Variants in FAH observed in about 807,000 individuals in gnomAD.
FAH encodes the protein fumarylacetoacetase.
A neutral mutation model predicts 55.8 loss-of-function variants in FAH; 47 were observed. The ratio of observed to expected loss-of-function variants is 0.84; its 90% CI spans 0.67 to 1.07. The LOEUF (loss-of-function observed/expected upper bound fraction) is 1.07. Among genes scored for constraint, FAH ranks in the 50% least tolerant of loss-of-function variants. FAH has a pLI of 0.00. For synonymous variants in FAH, 199 were observed against 207.7 expected (o/e 0.96, Z 0.36); for missense variants, 495 against 545.9 (o/e 0.91, Z 0.93).
rs900414880 is a variant in FAH at position 80,173,410 on chromosome 15, C to T, written c.837+266C>T. 2.1e-4 allele frequency: 119 copies of T among 557,256 alleles called. 1 individual carries two copies. Among genetic ancestry groups the T allele is most frequent in the Middle Eastern group, 9.7e-4 (2 of 2,070 alleles). The allele number at this position is 557,256 out of a possible 1,614,324, so 34.5% of individuals were successfully genotyped here. A position where few individuals can be genotyped will look rare whatever the true frequency, so the allele number is the denominator to read the frequency against. On this transcript the variant is annotated intron_variant, in intron 9 of 13. Transcript: ENST00000561421. ...GTAACCTTAAGAATCTTGCAAGACC[C>T]GGGGGATCTGGCCAGTTGGCAGGAG... is the stretch of plus-strand genomic sequence containing the variant.
At position 80,186,272 on chromosome 15, in the gene FAH, T is replaced by C; in HGVS notation, c.*63T>C. 2 of 1,377,200 alleles carry C rather than the reference T, an allele frequency of 1.5e-6. No individual in the cohort carries two copies. Among genetic ancestry groups the C allele is most frequent in the Non-Finnish European group, 2.1e-6 (2 of 964,106 alleles). The allele number at this position is 1,377,200 out of a possible 1,614,324, so 85.3% of individuals were successfully genotyped here. On this transcript the variant is annotated 3_prime_UTR_variant, in exon 14 of 14. Coordinates refer to ENST00000561421, the MANE Select transcript of FAH (RefSeq NM_000137.4). Reference sequence around the variant, plus strand: ...ACCCCTTTCAACCCTGTGACTGGGGTCCTCCCTCGGGCTGTAGGCCTGGTC... The same window carrying C: ...ACCCCTTTCAACCCTGTGACTGGGGCCCTCCCTCGGGCTGTAGGCCTGGTC...
At chr15:80,166,942 T>C (rs1487111964) in intron 5 of FAH, 3 of 152,196 alleles carry the variant, frequency 2.0e-5, no homozygotes, top group African/African-American at 7.2e-5. Context: ...GCCTAGAGTT[T>C]TGCATTTTCA....
At chr15:80,180,011 CG>C in intron 11 of FAH, 112 bp from the exon 12 acceptor site, 1 of 779,672 alleles carries the variant, frequency 1.3e-6, no homozygotes, top group Non-Finnish European at 2.2e-6. Context: ...AGCTGGGGAC[CG>C]GGGAAAGGCC....
At chr15:80,165,300 G>A (rs1186536323) in intron 5 of FAH, among the ~76,000 whole-genome samples, 5 of 152,092 alleles carry the variant, frequency 3.3e-5, no homozygotes, top group South Asian at 2.1e-4. Flanking sequence ...AGGCCGAGAC[G>A]GGCGGATCAC....
intron 2 of FAH, among the ~76,000 whole-genome samples, chr15:80,159,177 G>T (rs1386138724): frequency 1.3e-5 from 2 of 151,930 alleles, no homozygotes; most frequent in African/African-American, 2.4e-5. Flanking sequence ...AGCAGAGGTT[G>T]CAGTGAGCCG....
intron 13 of FAH, 92 bp downstream of exon 13, chr15:80,181,251 T>C: frequency 1.1e-6 from 1 of 874,304 alleles, no homozygotes; most frequent in Non-Finnish European, 1.9e-6. Context: ...CATGAAGCCA[T>C]CTGTTCTCAC....
At chr15:80,158,241 C>T (rs539313623) in intron 2 of FAH, 71 bp downstream of exon 2, 2 of 1,037,640 alleles carry the variant, frequency 1.9e-6, no homozygotes, top group South Asian at 2.5e-5. Flanking sequence ...AGAGAATGCT[C>T]CTTGCGTTCC....
At chr15:80,167,568 G>A (rs1443962335) in intron 5 of FAH, among the ~76,000 whole-genome samples, 1 of 131,032 alleles carries the variant, frequency 7.6e-6, no homozygotes, top group African/African-American at 2.9e-5. Context: ...GTCTTGCTCT[G>A]TTGCCTAGGC....
At chr15:80,160,955 G>T (rs768153285) in intron 4 of FAH, among the ~76,000 whole-genome samples, 1 of 152,218 alleles carries the variant, frequency 6.6e-6, no homozygotes, top group Non-Finnish European at 1.5e-5. Context: ...TCTTCCTTGT[G>T]CACAGGTCTC....
chr15:80,168,012 C>A, intron 5 of FAH, 40 bp from the exon 6 acceptor site: 1 of 1,509,794 alleles, frequency 6.6e-7, no homozygotes, highest in Non-Finnish European at 9.2e-7. Context: ...CAACATATAA[C>A]AGCTCTGATG....
chr15:80,160,314 T>G, intron 3 of FAH, 96 bp from the exon 4 acceptor site: 1 of 1,252,716 alleles, frequency 8.0e-7, no homozygotes, highest in Non-Finnish European at 1.2e-6. Context: ...CCACTGGAGA[T>G]TGTGGATAAT....
At position 80,168,121 on chromosome 15, in the gene FAH, G is replaced by T. The variant is rs770491858; in HGVS notation, c.525G>T (p.Arg175Ser). Residue 175 changes from arginine (R) to serine (S), a missense_variant, in exon 6 of 14, where the codon AGG (arginine) becomes AGT (serine). Coordinates refer to ENST00000561421, the MANE Select transcript of FAH (RefSeq NM_000137.4). ...TGGTGTCTGGCACCCCAATCCGAAG[G>T]CCCATGGGACAGATGAAACCTGATG... Reference protein sequence around the residue: ...SVVVSGTPIRRPMGQMKPDDS... With the variant: ...SVVVSGTPIRSPMGQMKPDDS... 1 of 1,614,140 alleles carries T rather than the reference G, an allele frequency of 6.2e-7. No homozygotes were observed. The highest frequency in any genetic ancestry group is 8.5e-7 in the Non-Finnish European group (1 of 1,180,038).
At chr15:80,185,057 A>G (rs533133225) in intron 13 of FAH, among the ~76,000 whole-genome samples, 86 of 152,310 alleles carry the variant, frequency 5.6e-4, no homozygotes, top group African/African-American at 1.9e-3. Flanking sequence ...ATGGAATTAA[A>G]TGAAGGAAAC....
At chr15:80,162,621 T>C in intron 5 of FAH, 3 of 485,102 alleles carry the variant, frequency 6.2e-6, no homozygotes, top group South Asian at 4.2e-5. Flanking sequence ...GTCTTTCATT[T>C]ATAAGCTGTG....
intron 1 of FAH, chr15:80,157,571 G>T: frequency 4.9e-6 from 1 of 202,302 alleles, no homozygotes; most frequent in Non-Finnish European, 1.0e-5. Flanking sequence ...TCCTCCATTT[G>T]AGCTACAACA....
chr15:80,159,534 A>C, intron 2 of FAH, among the ~76,000 whole-genome samples: 1 of 152,222 alleles, frequency 6.6e-6, no homozygotes, highest in East Asian at 1.9e-4. Flanking sequence ...GGCTTGGACA[A>C]TTGTGTGCAG....
At chr15:80,184,790 GTGTC>G (rs2041357086) in intron 13 of FAH, among the ~76,000 whole-genome samples, 1 of 152,134 alleles carries the variant, frequency 6.6e-6, no homozygotes. Context: ...TCGTGCCTGA[GTGTC>G]TGAGCCTTTG....
chr15:80,168,778 T>A lies in FAH; in HGVS notation c.606+462T>A, dbSNP rs140280555. Among the ~76,000 whole-genome samples, 207 of 152,332 alleles carry A rather than the reference T, an allele frequency of 1.4e-3. 1 individual carries two copies. Among genetic ancestry groups the A allele is most frequent in the African/African-American group, 4.7e-3 (197 of 41,570 alleles). On this transcript the variant is annotated intron_variant, in intron 7 of 13. Coordinates refer to ENST00000561421, the MANE Select transcript of FAH (RefSeq NM_000137.4). ...GTTTTTTTATAATGACCCCAAGTGC[T>A]GTGCTAAAGTGCCGTCTAGTGTCCC...
intron 10 of FAH, among the ~76,000 whole-genome samples, chr15:80,175,740 G>C (rs1017558334): frequency 3.3e-5 from 5 of 152,248 alleles, no homozygotes; most frequent in East Asian, 1.9e-4. Context: ...GTGGGACTTT[G>C]GGCAAGTTGC....
Sources: allele counts gnomAD v4.1 joint callset (sites outside exome capture counted in the v4.1 genomes callset), GRCh38; gene constraint gnomAD v4.1.1; transcripts MANE v1.5; gene names NCBI Gene and HGNC (gene_info 2026-07-23, HGNC 2026-07-21).